SCAPER: variants seen among roughly 807,000 people sequenced by gnomAD.
The protein encoded by SCAPER is S-phase cyclin A associated protein in the ER.
Under a neutral mutation model 182.2 loss-of-function variants are expected in SCAPER, and 98 were observed. That is an observed-to-expected ratio of 0.54 (90% confidence interval 0.46 to 0.64). The LOEUF is 0.64. SCAPER is among the 30% of genes least tolerant of loss of function. The pLI is 0.00. For synonymous variants in SCAPER, 605 were observed against 564.6 expected, an observed-to-expected ratio of 1.07 and a Z score of -1.01; for missense variants, 1,432 against 1,690.0, an observed-to-expected ratio of 0.85 and a Z score of 2.68.
intron 28 of SCAPER, among the ~76,000 whole-genome samples, chr15:76,379,141 T>G (rs1320530824): frequency 6.6e-6 from 1 of 152,218 alleles, no homozygotes; most frequent in South Asian, 2.1e-4. Context: ...GCCCCGATGC[T>G]AGAAATTCTG....
chr15:76,785,169 T>TA (rs1371370462), intron 8 of SCAPER, among the ~76,000 whole-genome samples: 1 of 151,980 alleles, frequency 6.6e-6, no homozygotes, highest in African/African-American at 2.4e-5. Flanking sequence ...ACAAAGAACT[T>TA]AAACAAATTT....
At chr15:76,719,887 T>A (rs1042547066) in intron 17 of SCAPER, among the ~76,000 whole-genome samples, 1 of 152,042 alleles carries the variant, frequency 6.6e-6, no homozygotes, top group African/African-American at 2.4e-5. Context: ...CTTAACAGAA[T>A]TTATTGTGGT....
At chr15:76,889,885 G>A (rs2074069492) in intron 1 of SCAPER, among the ~76,000 whole-genome samples, 1 of 152,004 alleles carries the variant, frequency 6.6e-6, no homozygotes, top group African/African-American at 2.4e-5. Flanking sequence ...TCAGCACCAC[G>A]TTGCACTTAT....
chr15:76,381,877 C>A (rs1162422213), intron 27 of SCAPER, among the ~76,000 whole-genome samples: 1 of 152,168 alleles, frequency 6.6e-6, no homozygotes, highest in Non-Finnish European at 1.5e-5. Flanking sequence ...AACCACCCTT[C>A]CCACACTTTA....
At chr15:76,730,617 T>C (rs1190597236) in intron 16 of SCAPER, among the ~76,000 whole-genome samples, 2 of 152,020 alleles carry the variant, frequency 1.3e-5, no homozygotes, top group Non-Finnish European at 2.9e-5. Context: ...CCAATTTTTC[T>C]GAAGTTTAAA....
chr15:76,806,357 A>G (rs1207913279), intron 5 of SCAPER, among the ~76,000 whole-genome samples: 2 of 152,224 alleles, frequency 1.3e-5, no homozygotes, highest in Non-Finnish European at 2.9e-5. Flanking sequence ...ACATAGACGT[A>G]TGAATTTATT....
intron 21 of SCAPER, among the ~76,000 whole-genome samples, chr15:76,645,924 T>C (rs1433117319): frequency 6.6e-6 from 1 of 152,172 alleles, no homozygotes; most frequent in Non-Finnish European, 1.5e-5. Context: ...AATCCTGTAA[T>C]ATTTGTTAAA....
At chr15:76,823,185 G>A (rs1233428070) in intron 5 of SCAPER, among the ~76,000 whole-genome samples, 2 of 152,120 alleles carry the variant, frequency 1.3e-5, no homozygotes, top group African/African-American at 2.4e-5. Context: ...TGGGCTGGGC[G>A]CTGTGGCTCA....
At chr15:76,477,962 A>G (rs1270874850) in intron 24 of SCAPER, among the ~76,000 whole-genome samples, 1 of 150,952 alleles carries the variant, frequency 6.6e-6, no homozygotes, top group African/African-American at 2.4e-5. Flanking sequence ...TTTTTTGGTC[A>G]TAAATAACTT....
intron 22 of SCAPER, among the ~76,000 whole-genome samples, chr15:76,575,923 A>G (rs1055957487): frequency 6.6e-6 from 1 of 152,256 alleles, no homozygotes; most frequent in African/African-American, 2.4e-5. Context: ...GCAGAAGCAG[A>G]GTATTAACTT....
chr15:76,391,618 T>C (rs538808915), intron 27 of SCAPER, among the ~76,000 whole-genome samples: 264 of 152,318 alleles, frequency 1.7e-3, no homozygotes, highest in African/African-American at 6.0e-3. Flanking sequence ...TCTTCTTATG[T>C]ATAGAATAGG....
intron 25 of SCAPER, among the ~76,000 whole-genome samples, chr15:76,463,141 G>A (rs111589777): frequency 3.9e-5 from 6 of 152,118 alleles, no homozygotes; most frequent in Non-Finnish European, 8.8e-5. Context: ...AAAAGGCAAC[G>A]TGTCCTAGAT....
chr15:76,546,566 A>G (rs1269989745), intron 23 of SCAPER, among the ~76,000 whole-genome samples: 3 of 152,026 alleles, frequency 2.0e-5, no homozygotes, highest in Non-Finnish European at 4.4e-5. Flanking sequence ...CCAATTTCCT[A>G]CATTTCACAG....
At chr15:76,380,760 A>G (rs974812756) in intron 28 of SCAPER, 4 of 152,216 alleles carry the variant, frequency 2.6e-5, no homozygotes, top group African/African-American at 9.7e-5. Flanking sequence ...CCAGGCTGAC[A>G]GTCTGGTGTT....
intron 23 of SCAPER, among the ~76,000 whole-genome samples, chr15:76,523,460 C>A (rs2042968270): frequency 6.6e-6 from 1 of 151,998 alleles, no homozygotes; most frequent in Admixed American, 6.6e-5. Context: ...TAATAATCAA[C>A]AAAGAGATTC....
intron 2 of SCAPER, among the ~76,000 whole-genome samples, chr15:76,870,373 CAATAA>C (rs1399638623): frequency 6.7e-6 from 1 of 150,144 alleles, no homozygotes; most frequent in Non-Finnish European, 1.5e-5. Flanking sequence ...TCTTATGCAG[CAATAA>C]AATAAAATAA....
intron 21 of SCAPER, among the ~76,000 whole-genome samples, chr15:76,640,780 A>C (rs1198410004): frequency 1.3e-5 from 2 of 152,322 alleles, no homozygotes; most frequent in East Asian, 3.9e-4. Context: ...GATTACTGTA[A>C]ATACAAAGTT....
chr15:76,805,910 C>T (rs549166245), intron 5 of SCAPER, among the ~76,000 whole-genome samples: 1 of 152,210 alleles, frequency 6.6e-6, no homozygotes, highest in East Asian at 1.9e-4. Context: ...AAATCCTTTG[C>T]CCTTTTTTAC....
intron 7 of SCAPER, chr15:76,797,481 A>T (rs1351467041): frequency 6.6e-6 from 1 of 152,208 alleles, no homozygotes; most frequent in African/African-American, 2.4e-5. Flanking sequence ...AGAAGGCCAC[A>T]CACATATGCA....
Sources: allele counts gnomAD v4.1 joint callset (sites outside exome capture counted in the v4.1 genomes callset), GRCh38; gene constraint gnomAD v4.1.1; transcripts MANE v1.5; gene names NCBI Gene and HGNC (gene_info 2026-07-23, HGNC 2026-07-21).